The following ADAMTS9 variants were observed in gnomAD, a reference collection of about 807,000 sequenced individuals.
The protein encoded by ADAMTS9 is ADAM metallopeptidase with thrombospondin type 1 motif 9.
A neutral mutation model predicts 257.1 loss-of-function variants in ADAMTS9; 107 were observed. The observed-to-expected ratio is 0.42, with a 90% confidence interval of 0.36 to 0.49. ADAMTS9 has a LOEUF of 0.49. Among genes scored for constraint, ADAMTS9 ranks in the 20% least tolerant of loss-of-function variants. The pLI is 0.03. For synonymous variants in ADAMTS9, 982 were observed against 880.9 expected (o/e 1.11, Z -2.03); for missense variants, 2,353 against 2,469.1 (o/e 0.95, Z 1.00).
chr3:64,681,447 A>G (rs1276882831), intron 2 of ADAMTS9, 84 bp from the exon 3 acceptor site: 1 of 1,410,110 alleles, frequency 7.1e-7, no homozygotes, highest in African/African-American at 1.4e-5. Flanking sequence ...TTTCAAGTAG[A>G]GATGGTGTCA....
chr3:64,654,698 A>G, intron 6 of ADAMTS9, 86 bp from the exon 7 acceptor site: 1 of 1,425,040 alleles, frequency 7.0e-7, no homozygotes. Context: ...CTAGGCATTC[A>G]CAACAGTACA....
intron 11 of ADAMTS9, among the ~76,000 whole-genome samples, chr3:64,643,646 TA>T (rs984015487): frequency 9.9e-5 from 15 of 151,652 alleles, no homozygotes; most frequent in Non-Finnish European, 1.5e-4. Flanking sequence ...TAGAGACAGT[TA>T]GGGGTGGGGG....
chr3:64,536,214 C>G (rs1338363887), intron 37 of ADAMTS9, among the ~76,000 whole-genome samples: 1 of 152,194 alleles, frequency 6.6e-6, no homozygotes, highest in African/African-American at 2.4e-5. Flanking sequence ...TCTGCCCTTT[C>G]CAGTTTAGGG....
intron 37 of ADAMTS9, 43 bp from the exon 38 acceptor site, chr3:64,533,313 T>A (rs780359525): frequency 1.3e-6 from 2 of 1,558,232 alleles, no homozygotes; most frequent in Non-Finnish European, 1.8e-6. Flanking sequence ...GTCCATGTGA[T>A]GTCCTCAAAA....
chr3:64,676,521 T>TA (rs34790856), intron 3 of ADAMTS9, among the ~76,000 whole-genome samples: 68,293 of 151,082 alleles, frequency 0.45, 15,769 homozygotes, highest in Admixed American at 0.58. Context: ...AGTTTATCAT[T>TA]AAAAAAAAAT....
At chr3:64,579,011 T>C (rs1275495069) in intron 28 of ADAMTS9, among the ~76,000 whole-genome samples, 9 of 152,190 alleles carry the variant, frequency 5.9e-5, no homozygotes, top group Non-Finnish European at 8.8e-5. Flanking sequence ...AACAAATTCA[T>C]GTTCCTGCTT....
chr3:64,535,036 G>T (rs562455119), intron 37 of ADAMTS9, among the ~76,000 whole-genome samples: 1 of 152,090 alleles, frequency 6.6e-6, no homozygotes, highest in Non-Finnish European at 1.5e-5. Context: ...TAGACAGAAG[G>T]CACAATGCAC....
At chr3:64,631,375 T>G in intron 16 of ADAMTS9, 80 bp downstream of exon 16, 1 of 1,136,916 alleles carries the variant, frequency 8.8e-7, no homozygotes, top group Non-Finnish European at 1.3e-6. Flanking sequence ...TGCCTCTGCA[T>G]GCCAGAGAAG....
At chr3:64,523,534 T>C (rs551375545) in intron 38 of ADAMTS9, among the ~76,000 whole-genome samples, 6 of 152,168 alleles carry the variant, frequency 3.9e-5, no homozygotes, top group Admixed American at 3.9e-4. Flanking sequence ...CAACTGATGA[T>C]AGTAAAAATA....
At chr3:64,651,773 G>A (rs1203831864) in intron 8 of ADAMTS9, among the ~76,000 whole-genome samples, 1 of 152,150 alleles carries the variant, frequency 6.6e-6, no homozygotes. Context: ...AATTCTACTG[G>A]CATAACTCAG....
intron 38 of ADAMTS9, among the ~76,000 whole-genome samples, chr3:64,523,013 A>G (rs1204815552): frequency 6.6e-6 from 1 of 152,232 alleles, no homozygotes; most frequent in Non-Finnish European, 1.5e-5. Flanking sequence ...TCAAAAATTT[A>G]GAAAATTTAA....
At chr3:64,533,409 G>C (rs1430435433) in intron 37 of ADAMTS9, 139 bp from the exon 38 acceptor site, 17 of 679,644 alleles carry the variant, frequency 2.5e-5, no homozygotes, top group Non-Finnish European at 4.1e-5. Flanking sequence ...ATTATTGATA[G>C]TATTTAGTTT....
At chr3:64,635,941 A>G (rs1700484362) in intron 12 of ADAMTS9, among the ~76,000 whole-genome samples, 2 of 151,608 alleles carry the variant, frequency 1.3e-5, no homozygotes, top group African/African-American at 2.4e-5. Flanking sequence ...TACAAGGAAG[A>G]CCCCCTTCAA....
chr3:64,557,377 T>C (rs2083353477), intron 30 of ADAMTS9, among the ~76,000 whole-genome samples: 1 of 152,238 alleles, frequency 6.6e-6, no homozygotes, highest in Non-Finnish European at 1.5e-5. Flanking sequence ...ATTGTGATAC[T>C]ATTAACAAGT....
chr3:64,554,434 G>C (rs1225024103), intron 30 of ADAMTS9, among the ~76,000 whole-genome samples: 1 of 152,146 alleles, frequency 6.6e-6, no homozygotes, highest in African/African-American at 2.4e-5. Flanking sequence ...CTAGGGTATG[G>C]GGGCTGGGTA....
intron 30 of ADAMTS9, among the ~76,000 whole-genome samples, chr3:64,558,310 T>G (rs1389253069): frequency 6.6e-6 from 1 of 152,180 alleles, no homozygotes; most frequent in South Asian, 2.1e-4. Context: ...AAGCCGCAAG[T>G]TGCCCCTATT....
chr3:64,603,040 G>A (rs969161551), intron 25 of ADAMTS9, among the ~76,000 whole-genome samples: 15 of 152,186 alleles, frequency 9.9e-5, no homozygotes, highest in Admixed American at 7.9e-4. Flanking sequence ...CTCAAGACAT[G>A]AGAGTGAGAT....
chr3:64,615,928 C>G, intron 20 of ADAMTS9, 32 bp downstream of exon 20: 2 of 1,611,274 alleles, frequency 1.2e-6, no homozygotes, highest in Non-Finnish European at 1.7e-6. Context: ...AGACAGCATC[C>G]AAGAAGACTC....
At chr3:64,584,866 A>T (rs2084107310) in intron 28 of ADAMTS9, among the ~76,000 whole-genome samples, 1 of 152,146 alleles carries the variant, frequency 6.6e-6, no homozygotes, top group African/African-American at 2.4e-5. Flanking sequence ...CAAATCAAGG[A>T]CACTCTTTTA....
Sources: gnomAD v4.1 joint callset for allele counts (sites outside exome capture counted in the v4.1 genomes callset) on GRCh38, gnomAD v4.1.1 for gene constraint, MANE v1.5 for transcripts, NCBI Gene and HGNC (gene_info 2026-07-23, HGNC 2026-07-21) for gene names.